Variants in PTPRK observed in about 807,000 individuals in gnomAD.
PTPRK encodes receptor-type tyrosine-protein phosphatase kappa.
PTPRK carries 75 observed loss-of-function variants against 178.0 expected under a neutral mutation model. The observed-to-expected ratio is 0.42, with a 90% CI of 0.35 to 0.51. The LOEUF (loss-of-function observed/expected upper bound fraction) is 0.51, where lower values mean the gene tolerates loss of function less well. PTPRK is among the 20% of genes least tolerant of loss of function. PTPRK has a pLI of 0.02. For missense variants in PTPRK, 1,441 were observed against 1,797.8 expected (o/e 0.80, Z 3.59); for synonymous variants, 637 against 620.6 (o/e 1.03, Z -0.39).
chr6:127,979,672 AG>A (rs951435077), intron 25 of PTPRK, among the ~76,000 whole-genome samples: 2 of 152,198 alleles, frequency 1.3e-5, no homozygotes, highest in African/African-American at 4.8e-5. Context: ...CACCAAAAAG[AG>A]TAAAGTAACT....
At chr6:128,487,097 T>C (rs984816943) in intron 1 of PTPRK, among the ~76,000 whole-genome samples, 1 of 147,350 alleles carries the variant, frequency 6.8e-6, no homozygotes, top group Non-Finnish European at 1.5e-5. Flanking sequence ...CTCCAGTTCC[T>C]CTCCCTAATT....
At chr6:128,230,489 G>A (rs1812115725) in intron 5 of PTPRK, among the ~76,000 whole-genome samples, 3 of 152,128 alleles carry the variant, frequency 2.0e-5, no homozygotes, top group Admixed American at 6.6e-5. Flanking sequence ...CCTCTGGGAT[G>A]GCTGGCAAGC....
chr6:128,133,582 T>G (rs1237282276), intron 7 of PTPRK, among the ~76,000 whole-genome samples: 1 of 152,182 alleles, frequency 6.6e-6, no homozygotes, highest in Non-Finnish European at 1.5e-5. Context: ...CAGGCTTATA[T>G]TTTGATAAAA....
intron 2 of PTPRK, among the ~76,000 whole-genome samples, chr6:128,377,027 C>G (rs76980080): frequency 7.2e-5 from 11 of 152,152 alleles, no homozygotes; most frequent in Non-Finnish European, 1.6e-4. Context: ...CCACACTTTC[C>G]CATATTTTCC....
intron 4 of PTPRK, among the ~76,000 whole-genome samples, chr6:128,241,048 A>C (rs1047458016): frequency 1.3e-5 from 2 of 152,214 alleles, no homozygotes; most frequent in Non-Finnish European, 2.9e-5. Flanking sequence ...AAGAAGTGAA[A>C]AATAAACAGT....
At chr6:128,442,856 A>C (rs761807861) in intron 1 of PTPRK, among the ~76,000 whole-genome samples, 145 of 152,340 alleles carry the variant, frequency 9.5e-4, no homozygotes, top group Admixed American at 1.6e-3. Flanking sequence ...CATAGCCAGT[A>C]CATTAATACA....
In PTPRK at chr6:128,011,473, T is replaced by C. The variant is rs545904582; in HGVS notation, c.2195-2205A>G. ...TTATGGTATAATTTTCTAAATATAT[T>C]TTATTATGAGTCGCATATGCTACAT... On this transcript the variant is annotated intron_variant, in intron 13 of 29. Transcript: ENST00000368226. Among the ~76,000 whole-genome samples, 4 of 151,118 alleles carry C rather than the reference T, an allele frequency of 2.6e-5. No homozygotes were observed. The South Asian group carries it at 8.3e-4, about 31-fold the overall frequency.
chr6:128,004,943 T>C (rs1186322512), intron 15 of PTPRK, 141 bp downstream of exon 15: 3 of 694,906 alleles, frequency 4.3e-6, no homozygotes, highest in African/African-American at 3.6e-5. Flanking sequence ...AATTCCATAA[T>C]ATTCTCCATC....
chr6:128,161,470 G>A (rs573725526), intron 7 of PTPRK, among the ~76,000 whole-genome samples: 1 of 151,602 alleles, frequency 6.6e-6, no homozygotes, highest in South Asian at 2.1e-4. Context: ...TAAAATGCCC[G>A]AGGTAAAGAA....
intron 7 of PTPRK, among the ~76,000 whole-genome samples, chr6:128,160,188 T>C (rs910151742): frequency 1.3e-5 from 2 of 151,714 alleles, no homozygotes; most frequent in Non-Finnish European, 3.0e-5. Context: ...ATCAAAAATG[T>C]ACAGTAATAG....
At chr6:128,457,725 A>T (rs17459694) in intron 1 of PTPRK, among the ~76,000 whole-genome samples, 20,191 of 152,188 alleles carry the variant, frequency 0.13, 1,713 homozygotes, top group Non-Finnish European at 0.2. Context: ...TTTTTCCTAA[A>T]AATGACAAGA....
intron 13 of PTPRK, among the ~76,000 whole-genome samples, chr6:128,063,033 T>C (rs1781129349): frequency 6.6e-6 from 1 of 152,092 alleles, no homozygotes; most frequent in Non-Finnish European, 1.5e-5. Context: ...CTCTATTATT[T>C]AATTTTTGGA....
chr6:128,286,010 A>G (rs1822450456), intron 3 of PTPRK, among the ~76,000 whole-genome samples: 1 of 151,986 alleles, frequency 6.6e-6, no homozygotes, highest in African/African-American at 2.4e-5. Flanking sequence ...CCCTTTCTGT[A>G]CGGGACCCAG....
At chr6:128,022,384 C>A (rs142268574) in intron 13 of PTPRK, among the ~76,000 whole-genome samples, 1 of 152,102 alleles carries the variant, frequency 6.6e-6, no homozygotes, top group Non-Finnish European at 1.5e-5. Flanking sequence ...TGGTCCCTTA[C>A]GTTTCTTCTC....
chr6:128,511,625 C>G (rs1562672189), intron 1 of PTPRK, among the ~76,000 whole-genome samples: 1 of 152,146 alleles, frequency 6.6e-6, no homozygotes. Context: ...ACGTCAACTT[C>G]TAAATCAAGC....
chr6:128,384,053 T>G (rs998256413), intron 2 of PTPRK, among the ~76,000 whole-genome samples: 2 of 152,332 alleles, frequency 1.3e-5, no homozygotes, highest in East Asian at 3.9e-4. Context: ...ATAATTTTTT[T>G]GTTACTTTAG....
At chr6:128,143,839 G>A (rs180694671) in intron 7 of PTPRK, among the ~76,000 whole-genome samples, 1 of 152,166 alleles carries the variant, frequency 6.6e-6, no homozygotes, top group Non-Finnish European at 1.5e-5. Flanking sequence ...TTTATCCTCT[G>A]CCTACTCTGC....
At chr6:128,395,618 A>G (rs1159563566) in intron 2 of PTPRK, among the ~76,000 whole-genome samples, 4 of 152,174 alleles carry the variant, frequency 2.6e-5, no homozygotes, top group African/African-American at 9.7e-5. Context: ...AATATACCAC[A>G]GAGAAAATTC....
intron 7 of PTPRK, among the ~76,000 whole-genome samples, chr6:128,140,310 C>G (rs1276941500): frequency 6.6e-6 from 1 of 151,896 alleles, no homozygotes; most frequent in South Asian, 2.1e-4. Context: ...GTACAAGTGG[C>G]CTTTGAAAAT....
Sources: gnomAD v4.1 joint callset for allele counts (sites outside exome capture counted in the v4.1 genomes callset) on GRCh38, gnomAD v4.1.1 for gene constraint, MANE v1.5 for transcripts, NCBI Gene and HGNC (gene_info 2026-07-23, HGNC 2026-07-21) for gene names.